The following EXOC6B variants were observed in gnomAD, a reference collection of about 807,000 sequenced individuals.
The protein encoded by EXOC6B is exocyst complex component 6B, also known as SEC15 homolog B.
EXOC6B carries 54 observed loss-of-function variants against 113.5 expected under a neutral mutation model. That is an observed-to-expected ratio of 0.48 (90% CI 0.38 to 0.60). The LOEUF (loss-of-function observed/expected upper bound fraction) is 0.60, where lower values mean the gene tolerates loss of function less well. EXOC6B is among the 20% of genes least tolerant of loss of function. EXOC6B has a pLI of 0.00. For synonymous variants in EXOC6B, 357 were observed against 339.0 expected (o/e 1.05, Z -0.58); for missense variants, 797 against 977.5 (o/e 0.82, Z 2.46).
chr2:72,294,887 AT>A (rs1186841613), intron 20 of EXOC6B, among the ~76,000 whole-genome samples: 1 of 152,158 alleles, frequency 6.6e-6, no homozygotes, highest in African/African-American at 2.4e-5. Context: ...GTATTTAAAA[AT>A]ATTTACATAA....
chr2:72,463,756 T>A (rs889355719), intron 18 of EXOC6B: 3 of 152,180 alleles, frequency 2.0e-5, no homozygotes, highest in Non-Finnish European at 4.4e-5. Context: ...AGTAGAAGAA[T>A]GCCTAAAAAT....
intron 18 of EXOC6B, among the ~76,000 whole-genome samples, chr2:72,443,679 A>C (rs1696372413): frequency 6.6e-6 from 1 of 152,212 alleles, no homozygotes; most frequent in Non-Finnish European, 1.5e-5. Flanking sequence ...CATGTCTTAC[A>C]TACCGGCAGA....
intron 8 of EXOC6B, among the ~76,000 whole-genome samples, chr2:72,551,475 C>G (rs1040445417): frequency 2.0e-5 from 3 of 150,456 alleles, no homozygotes; most frequent in African/African-American, 7.3e-5. Context: ...GGATTACAGG[C>G]GTGAGCCACC....
At chr2:72,441,650 G>A (rs1341170809) in intron 18 of EXOC6B, among the ~76,000 whole-genome samples, 2 of 152,094 alleles carry the variant, frequency 1.3e-5, no homozygotes, top group African/African-American at 2.4e-5. Flanking sequence ...AGAACTAATC[G>A]ATAAGTTTCT....
chr2:72,240,032 C>G (rs866257878), intron 20 of EXOC6B, among the ~76,000 whole-genome samples: 5 of 152,186 alleles, frequency 3.3e-5, no homozygotes, highest in Middle Eastern at 3.4e-3. Flanking sequence ...TGGTTGTATC[C>G]TGCAAACTTG....
chr2:72,470,860 C>A (rs1698364946), intron 17 of EXOC6B, among the ~76,000 whole-genome samples: 1 of 152,104 alleles, frequency 6.6e-6, no homozygotes, highest in Non-Finnish European at 1.5e-5. Context: ...TTGATCCAGT[C>A]TATCATTGTT....
intron 2 of EXOC6B, among the ~76,000 whole-genome samples, chr2:72,734,387 T>C (rs149052768): frequency 3.9e-5 from 6 of 152,116 alleles, no homozygotes; most frequent in African/African-American, 1.2e-4. Context: ...CTGAGCTCAA[T>C]ACAAATTAAG....
At chr2:72,747,557 A>C (rs1405152539) in intron 1 of EXOC6B, among the ~76,000 whole-genome samples, 1 of 152,070 alleles carries the variant, frequency 6.6e-6, no homozygotes, top group Non-Finnish European at 1.5e-5. Flanking sequence ...ATGACTTAAT[A>C]AATTTCCCAT....
intron 20 of EXOC6B, among the ~76,000 whole-genome samples, chr2:72,248,492 G>A (rs1377592986): frequency 6.6e-6 from 1 of 152,094 alleles, no homozygotes; most frequent in Non-Finnish European, 1.5e-5. Context: ...CACTTAAAGA[G>A]TGGTATCTGA....
chr2:72,545,075 C>T (rs1702818542), intron 8 of EXOC6B, among the ~76,000 whole-genome samples: 1 of 152,134 alleles, frequency 6.6e-6, no homozygotes, highest in South Asian at 2.1e-4. Context: ...ACTACAGTTA[C>T]ATAAAATTAA....
At chr2:72,214,213 C>G (rs112313488) in intron 20 of EXOC6B, among the ~76,000 whole-genome samples, 4,474 of 124,134 alleles carry the variant, frequency 0.036, 197 homozygotes, top group African/African-American at 0.11. Flanking sequence ...ATCGGCCGTG[C>G]ACGGTGGCTC....
At chr2:72,788,958 T>A (rs1003618064) in intron 1 of EXOC6B, among the ~76,000 whole-genome samples, 3 of 152,234 alleles carry the variant, frequency 2.0e-5, no homozygotes. Flanking sequence ...GATCCTGGAC[T>A]GAGTCACAAC....
At chr2:72,368,600 A>G (rs1273211075) in intron 19 of EXOC6B, among the ~76,000 whole-genome samples, 1 of 152,236 alleles carries the variant, frequency 6.6e-6, no homozygotes, top group Non-Finnish European at 1.5e-5. Context: ...ATGAACATCG[A>G]TGCAAAAATC....
chr2:72,354,303 A>T (rs1425264920), intron 19 of EXOC6B: 1 of 152,260 alleles, frequency 6.6e-6, no homozygotes, highest in Admixed American at 6.5e-5. Flanking sequence ...TTCATGTAGT[A>T]GATCCTTTGT....
intron 6 of EXOC6B, among the ~76,000 whole-genome samples, chr2:72,578,037 T>C (rs770804835): frequency 1.3e-5 from 2 of 152,116 alleles, no homozygotes; most frequent in Non-Finnish European, 1.5e-5. Context: ...TATAGAGAAA[T>C]TGAGCAAGGT....
chr2:72,506,286 T>C (rs978234672), intron 11 of EXOC6B, among the ~76,000 whole-genome samples: 4 of 152,166 alleles, frequency 2.6e-5, no homozygotes, highest in African/African-American at 9.6e-5. Context: ...TAAAACTGCC[T>C]AGATAGGAGA....
chr2:72,409,444 ACAG>A (rs1290097633), intron 18 of EXOC6B, among the ~76,000 whole-genome samples: 7 of 152,220 alleles, frequency 4.6e-5, no homozygotes, highest in Non-Finnish European at 1.0e-4. Flanking sequence ...ACTATTCACA[ACAG>A]CAAAGACTTG....
intron 8 of EXOC6B, among the ~76,000 whole-genome samples, chr2:72,554,428 T>G (rs1454236779): frequency 6.6e-6 from 1 of 152,146 alleles, no homozygotes; most frequent in Admixed American, 6.5e-5. Flanking sequence ...AGGGAAGTGA[T>G]TAGATTATGG....
At chr2:72,424,814 A>G (rs922547911) in intron 18 of EXOC6B, among the ~76,000 whole-genome samples, 3 of 152,100 alleles carry the variant, frequency 2.0e-5, no homozygotes, top group Admixed American at 2.0e-4. Flanking sequence ...CTATATCTTC[A>G]TATTTGATAG....
Sources: gnomAD v4.1 joint callset for allele counts (sites outside exome capture counted in the v4.1 genomes callset) on GRCh38, gnomAD v4.1.1 for gene constraint, MANE v1.5 for transcripts, NCBI Gene and HGNC (gene_info 2026-07-23, HGNC 2026-07-21) for gene names.